The following EYS variants were observed in gnomAD, a reference collection of about 807,000 sequenced individuals.
EYS encodes protein eyes shut homolog.
EYS carries 250 observed loss-of-function variants against 282.1 expected under a neutral mutation model. That is an observed-to-expected ratio of 0.89 (90% CI 0.80 to 0.98). The LOEUF is 0.98. Ranked by LOEUF, EYS falls within the 50% of genes least tolerant of loss-of-function variation. The probability of loss-of-function intolerance (pLI) is 0.00; values close to 1 mark genes in which losing one functional copy is unlikely to be tolerated. For synonymous variants in EYS, 1,355 were observed against 1,282.9 expected, an observed-to-expected ratio of 1.06 and a Z score of -1.20; for missense variants, 4,016 against 3,709.0, an observed-to-expected ratio of 1.08 and a Z score of -2.15.
chr6:65,425,166 G>A (rs1028612068), intron 5 of EYS, among the ~76,000 whole-genome samples: 3 of 151,994 alleles, frequency 2.0e-5, no homozygotes, highest in Non-Finnish European at 2.9e-5. Context: ...CTTTCAACAG[G>A]GAAGGAAAAT....
chr6:65,329,040 T>A (rs1389053835), intron 11 of EYS, among the ~76,000 whole-genome samples: 4 of 151,354 alleles, frequency 2.6e-5, no homozygotes, highest in African/African-American at 9.6e-5. Context: ...ATAAAAACGA[T>A]TTAAATATAA....
At chr6:64,287,783 A>T (rs1255207376) in intron 30 of EYS, among the ~76,000 whole-genome samples, 2 of 152,180 alleles carry the variant, frequency 1.3e-5, no homozygotes, top group Admixed American at 1.3e-4. Context: ...TAGACCGGAA[A>T]GATTATCATA....
intron 30 of EYS, among the ~76,000 whole-genome samples, chr6:64,263,074 TGA>T (rs1306589180): frequency 1.8e-4 from 3 of 16,572 alleles, no homozygotes; most frequent in Non-Finnish European, 5.3e-4. Context: ...GTGTGTAAGG[TGA>T]TGATAGTAAA....
rs1330436402 is a variant in EYS at position 64,766,659 on chromosome 6, T to A, written c.3443+46719A>T. 7.9e-3 allele frequency among the ~76,000 whole-genome samples: 418 copies of A among 52,920 alleles called. 10 individuals carry two copies. Among genetic ancestry groups the A allele is most frequent in the East Asian group, 0.071 (87 of 1,222 alleles). 34.7% of individuals were successfully genotyped at this position (52,920 alleles called of 152,430 possible). Reference sequence around the variant, plus strand: ...AAAAAAAAAAAAAAAAATATATATATATATATATATATATATATATATATA... The same window carrying A: ...AAAAAAAAAAAAAAAAATATATATAAATATATATATATATATATATATATA... On this transcript the variant is annotated intron_variant, in intron 22 of 42. Coordinates refer to ENST00000503581, the MANE Select transcript of EYS (RefSeq NM_001142800.2).
intron 5 of EYS, among the ~76,000 whole-genome samples, chr6:65,429,435 A>G (rs145272435): frequency 9.2e-5 from 14 of 152,340 alleles, no homozygotes; most frequent in African/African-American, 3.4e-4. Context: ...CCAGCAGGCA[A>G]AGAAATGAAG....
chr6:65,606,884 ATT>A (rs5876976), intron 2 of EYS, among the ~76,000 whole-genome samples: 8 of 149,760 alleles, frequency 5.3e-5, no homozygotes, highest in African/African-American at 1.2e-4. Flanking sequence ...CTTCCAAAGT[ATT>A]TTTTTTTTGC....
rs397703350 is a variant in EYS at position 64,104,764 on chromosome 6, T to TTA, written c.6425-22763_6425-22762insTA. On this transcript the variant is annotated intron_variant, in intron 31 of 42. Transcript: ENST00000503581. Reference sequence around the variant, plus strand: ...CTGGCAAGCTTTTTTTTTTTTTTTTTAAAGAAATATACAGTAGTTTCCAAA... The same window carrying TTA: ...CTGGCAAGCTTTTTTTTTTTTTTTTTTAAAAGAAATATACAGTAGTTTCCAAA... Among the ~76,000 whole-genome samples the TTA allele has an allele frequency of 3.3e-5, 5 of 150,688 alleles. No individual in the cohort carries two copies. The East Asian group carries it at 5.8e-4, about 18-fold the overall frequency.
intron 31 of EYS, among the ~76,000 whole-genome samples, chr6:64,226,961 A>C (rs1026955300): frequency 6.6e-6 from 1 of 152,134 alleles, no homozygotes; most frequent in Admixed American, 6.6e-5. Flanking sequence ...AGTTGTTAAA[A>C]TAAAATATTT....
At chr6:64,224,317 C>T (rs1766193024) in intron 31 of EYS, among the ~76,000 whole-genome samples, 1 of 151,978 alleles carries the variant, frequency 6.6e-6, no homozygotes, top group Admixed American at 6.6e-5. Flanking sequence ...ATCTTCTTCC[C>T]CACCATAATC....
rs184123480 is a variant in EYS at position 64,376,381 on chromosome 6, C to A, written c.6078+12309G>T. 4.6e-4 allele frequency among the ~76,000 whole-genome samples: 70 copies of A among 152,174 alleles called. 1 individual carries two copies. Among genetic ancestry groups the A allele is most frequent in the East Asian group, 3.3e-3 (17 of 5,166 alleles). ...TGGGGACAACTACATGGAATTACAACCCTGAGGATAAATACCCAGGCAAAT... is the reference window on the plus strand; with the variant it reads ...TGGGGACAACTACATGGAATTACAAACCTGAGGATAAATACCCAGGCAAAT... On this transcript the variant is annotated intron_variant, in intron 29 of 42. Coordinates refer to ENST00000503581, the MANE Select transcript of EYS (RefSeq NM_001142800.2).
At chr6:64,888,316 G>A (rs1767164415) in intron 18 of EYS, among the ~76,000 whole-genome samples, 1 of 151,916 alleles carries the variant, frequency 6.6e-6, no homozygotes, top group Non-Finnish European at 1.5e-5. Flanking sequence ...GAATGTTTGA[G>A]GTGATCTCTA....
chr6:64,779,029 A>G (rs1773774616), intron 22 of EYS, among the ~76,000 whole-genome samples: 1 of 152,154 alleles, frequency 6.6e-6, no homozygotes, highest in African/African-American at 2.4e-5. Context: ...GGAACTCCCA[A>G]TCATTTCTGG....
intron 5 of EYS, among the ~76,000 whole-genome samples, chr6:65,434,721 T>C (rs1218591124): frequency 6.6e-6 from 1 of 151,754 alleles, no homozygotes; most frequent in Non-Finnish European, 1.5e-5. Context: ...TCATACTTCT[T>C]CTCCTGAAAG....
intron 1 of EYS, among the ~76,000 whole-genome samples, chr6:65,677,556 A>T (rs1360432584): frequency 6.6e-6 from 1 of 151,982 alleles, no homozygotes; most frequent in Non-Finnish European, 1.5e-5. Flanking sequence ...AAATTAAAGG[A>T]GACACAAATA....
intron 30 of EYS, among the ~76,000 whole-genome samples, chr6:64,306,249 G>A (rs899354985): frequency 1.3e-5 from 2 of 152,120 alleles, no homozygotes; most frequent in Non-Finnish European, 2.9e-5. Context: ...CTTGCATGAG[G>A]AGCAACCTCA....
Position 64,912,511 on chromosome 6 carries a change from C to A in EYS, c.2614G>T (p.Ala872Ser), listed in dbSNP as rs957725168. Residue 872 changes from alanine (A) to serine (S), a missense_variant, in exon 16 of 43, where the codon GCA becomes TCA. Transcript: ENST00000503581. ...NNSTCLALVD[A>S]NQHCICREEF... ...TCTCTACAAATACAATGCTGATTTG[C>A]GTCTACCAAAGCTAAGCATGTTGAG... 4 of 1,551,024 alleles carry A rather than the reference C, an allele frequency of 2.6e-6. No homozygotes were observed. The East Asian group carries it at 7.3e-5, about 28-fold the overall frequency.
chr6:64,893,154 A>C (rs1009294285), intron 18 of EYS, among the ~76,000 whole-genome samples: 2 of 152,074 alleles, frequency 1.3e-5, no homozygotes, highest in Non-Finnish European at 2.9e-5. Flanking sequence ...CATTAGTTGC[A>C]TGGGATAACA....
intron 14 of EYS, among the ~76,000 whole-genome samples, chr6:64,986,687 C>G (rs1211185493): frequency 1.3e-5 from 2 of 150,636 alleles, no homozygotes; most frequent in Non-Finnish European, 3.0e-5. Flanking sequence ...GACTAATACA[C>G]AGTAAAGTTA....
chr6:64,510,790 A>C (rs1380965656), intron 26 of EYS, among the ~76,000 whole-genome samples: 1 of 152,170 alleles, frequency 6.6e-6, no homozygotes, highest in African/African-American at 2.4e-5. Context: ...CATCTCTCAC[A>C]TATGTGTTAG....
Sources: gnomAD v4.1 joint callset for allele counts (sites outside exome capture counted in the v4.1 genomes callset) on GRCh38, gnomAD v4.1.1 for gene constraint, MANE v1.5 for transcripts, NCBI Gene and HGNC (gene_info 2026-07-23, HGNC 2026-07-21) for gene names.